Variants in ZMYND8 observed in about 807,000 individuals in gnomAD.
The protein encoded by ZMYND8 is MYND-type zinc finger-containing chromatin reader ZMYND8.
ZMYND8 carries 37 observed loss-of-function variants against 140.8 expected under a neutral mutation model. The observed-to-expected ratio is 0.26, with a 90% CI of 0.20 to 0.35. The LOEUF is 0.35. ZMYND8 is among the 10% of genes least tolerant of loss of function. ZMYND8 has a pLI of 1.00. For missense variants in ZMYND8, 1,068 were observed against 1,570.0 expected (o/e 0.68, Z 5.40); for synonymous variants, 592 against 597.1 (o/e 0.99, Z 0.12).
chr20:47,324,549 G>A (rs141866038), intron 2 of ZMYND8, among the ~76,000 whole-genome samples: 1 of 151,968 alleles, frequency 6.6e-6, no homozygotes. Context: ...ACCTCAATAA[G>A]ATAGTGCACT....
chr20:47,224,611 G>A, intron 18 of ZMYND8, 55 bp from the exon 19 acceptor site: 1 of 1,600,026 alleles, frequency 6.2e-7, no homozygotes, highest in Non-Finnish European at 8.5e-7. Flanking sequence ...CTGGGGTGTG[G>A]GGTTATTCCT....
chr20:47,250,739 C>T (rs57294390), intron 12 of ZMYND8, among the ~76,000 whole-genome samples: 36,187 of 152,196 alleles, frequency 0.24, 4,700 homozygotes, highest in Non-Finnish European at 0.3. Flanking sequence ...ACACTGCATA[C>T]CCAGAAATCA....
chr20:47,334,845 G>A (rs2081270083), intron 2 of ZMYND8, among the ~76,000 whole-genome samples: 1 of 151,780 alleles, frequency 6.6e-6, no homozygotes, highest in Admixed American at 6.6e-5. Flanking sequence ...CCTGACCTCA[G>A]GTGATCCACC....
At position 47,239,021 on chromosome 20, in the gene ZMYND8, G is replaced by A. The variant is rs913215860; in HGVS notation, c.2402C>T (p.Thr801Met). ...SAAGATATTS[T>M]SSTVTVTAPA... ...GGCCGTGACGGTGACCGTGGAGGAC[G>A]TGCTGGTGGTGGCTGTGGCGCCAGC... The change falls in exon 15 of 23, where the codon ACG (threonine) becomes ATG (methionine). Residue 801 changes from threonine (T) to methionine (M), a missense_variant. Coordinates refer to ENST00000471951, the MANE Select transcript of ZMYND8 (RefSeq NM_001281775.3). The A allele has an allele frequency of 5.6e-6, 9 of 1,597,368 alleles. No homozygotes were observed. Among genetic ancestry groups the A allele is most frequent in the African/African-American group, 2.7e-5 (2 of 74,560 alleles).
chr20:47,266,863 G>T (rs1402505325), intron 11 of ZMYND8, among the ~76,000 whole-genome samples: 1 of 152,070 alleles, frequency 6.6e-6, no homozygotes, highest in Admixed American at 6.6e-5. Context: ...TACATAAACA[G>T]ATCTACAATA....
chr20:47,250,274 C>T (rs184107779), intron 12 of ZMYND8, among the ~76,000 whole-genome samples: 2 of 152,242 alleles, frequency 1.3e-5, no homozygotes. Flanking sequence ...CCACCGACTC[C>T]AGTGCCCCCA....
chr20:47,224,800 C>T (rs945029634), intron 18 of ZMYND8, among the ~76,000 whole-genome samples: 2 of 152,174 alleles, frequency 1.3e-5, no homozygotes, highest in Non-Finnish European at 2.9e-5. Flanking sequence ...ATAACTGCAG[C>T]CCCAGAGGAT....
chr20:47,231,445 C>T (rs775743054), intron 16 of ZMYND8, among the ~76,000 whole-genome samples: 9 of 152,112 alleles, frequency 5.9e-5, no homozygotes, highest in East Asian at 1.9e-4. Flanking sequence ...AGGGTGTGCA[C>T]GAGGATTAAA....
In ZMYND8 at chr20:47,282,233, C is replaced by T; in HGVS notation, c.883-16G>A. On this transcript the variant is annotated splice_polypyrimidine_tract_variant and intron_variant, in intron 9 of 22. Coordinates refer to ENST00000471951, the MANE Select transcript of ZMYND8 (RefSeq NM_001281775.3). ...GTGGATTGCTCTAGGAAAAGAAAAA[C>T]AAGATCCAGAGTTTGTACATATTTG... The T allele has an allele frequency of 1.2e-6, 2 of 1,606,428 alleles. No individual in the cohort carries two copies.
chr20:47,334,396 C>A (rs1050402708), intron 2 of ZMYND8, among the ~76,000 whole-genome samples: 10 of 151,978 alleles, frequency 6.6e-5, no homozygotes, highest in African/African-American at 2.4e-4. Flanking sequence ...CGAACTCAGA[C>A]CAAAAGGTCA....
Position 47,277,285 on chromosome 20 carries a change from A to C in ZMYND8, c.999-490T>G, listed in dbSNP as rs548065738. On this transcript the variant is annotated intron_variant, in intron 10 of 22. Coordinates refer to ENST00000471951, the MANE Select transcript of ZMYND8 (RefSeq NM_001281775.3). ...AATTCACACAGAAAATCACTGAAAAAGGAGCCCATTCGCCTCCAGGCGTGC... is the reference window on the plus strand; with the variant it reads ...AATTCACACAGAAAATCACTGAAAACGGAGCCCATTCGCCTCCAGGCGTGC... Among the ~76,000 whole-genome samples the C allele has an allele frequency of 2.0e-5, 3 of 152,402 alleles. No individual in the cohort carries two copies. In the South Asian group the frequency reaches 6.2e-4, roughly 32 times the overall value.
rs2146707490 is a variant in ZMYND8 at position 47,209,267 on chromosome 20, G to A, written c.*1494C>T. The A allele has an allele frequency of 6.6e-6, 1 of 151,144 alleles. No individual in the cohort carries two copies. The highest frequency in any genetic ancestry group is 3.4e-3 in the Middle Eastern group (1 of 294). 9.4% of individuals were successfully genotyped at this position (151,144 alleles called of 1,614,324 possible). ...AAAGGTAAAGAAATCTGAAAAAACT[G>A]GGGGGGTGGGGGAAGGAACGGGCAA... On this transcript the variant is annotated 3_prime_UTR_variant, in exon 23 of 23. Transcript: ENST00000471951.
chr20:47,275,781 T>C (rs1026454361), intron 11 of ZMYND8, among the ~76,000 whole-genome samples: 4 of 152,034 alleles, frequency 2.6e-5, no homozygotes, highest in African/African-American at 9.7e-5. Context: ...CTAATTTTTG[T>C]ATTTTTGGTA....
chr20:47,268,291 T>A, intron 11 of ZMYND8, among the ~76,000 whole-genome samples: 1 of 15,530 alleles, frequency 6.4e-5, no homozygotes, highest in South Asian at 1.8e-3. Flanking sequence ...ACCCCGTCTC[T>A]TTTTTTTTTT....
chr20:47,298,378 A>T lies in ZMYND8; in HGVS notation c.453+351T>A. 1.0e-6 allele frequency: 1 copy of T among 985,444 alleles called. No individual in the cohort carries two copies. Among genetic ancestry groups the T allele is most frequent in the Non-Finnish European group, 1.2e-6 (1 of 829,940 alleles). 61.0% of individuals were successfully genotyped at this position (985,444 alleles called of 1,614,324 possible). The stretch of plus-strand genomic sequence containing the variant: ...CGGCAGGCAACAACATCCAAGACGG[A>T]GAAAACAGAATGAGATCTTTTCAAA... On this transcript the variant is annotated intron_variant, in intron 4 of 22. Transcript: ENST00000471951. The surrounding 1 kb of genome is among the most constrained non-coding windows in gnomAD (Gnocchi z 5.0).
In ZMYND8 at chr20:47,262,538, G is replaced by T. The variant is rs1453893062; in HGVS notation, c.1481-110C>A. Reference sequence around the variant, plus strand: ...GATTATGAAATTGTGTTTGATTTCAGCAAGGCCGCTACAGTATCACGAATG... The same window carrying T: ...GATTATGAAATTGTGTTTGATTTCATCAAGGCCGCTACAGTATCACGAATG... On this transcript the variant is annotated intron_variant, in intron 11 of 22. Coordinates refer to ENST00000471951, the MANE Select transcript of ZMYND8 (RefSeq NM_001281775.3). 2.8e-6 allele frequency: 4 copies of T among 1,432,552 alleles called. No individual in the cohort carries two copies. In the African/African-American group the frequency reaches 4.3e-5, roughly 15 times the overall value. The allele number at this position is 1,432,552 out of a possible 1,614,324, so 88.7% of individuals were successfully genotyped here. A position where few individuals can be genotyped will look rare whatever the true frequency, so the allele number is the denominator to read the frequency against.
intron 2 of ZMYND8, among the ~76,000 whole-genome samples, chr20:47,341,537 A>AG (rs1176786960): frequency 6.6e-6 from 1 of 151,388 alleles, no homozygotes; most frequent in East Asian, 1.9e-4. Context: ...AAAAAAAAAA[A>AG]AAAAAAAAGA....
chr20:47,270,856 T>TCAC (rs1317731018), intron 11 of ZMYND8, among the ~76,000 whole-genome samples: 3 of 151,638 alleles, frequency 2.0e-5, no homozygotes, highest in African/African-American at 7.3e-5. Context: ...GGCGGGCAGA[T>TCAC]CACGAGGTCA....
chr20:47,337,090 G>A lies in ZMYND8; in HGVS notation c.85+10766C>T, dbSNP rs1400557827. Among the ~76,000 whole-genome samples, 7 of 151,726 alleles carry A rather than the reference G, an allele frequency of 4.6e-5. No homozygotes were observed. In the South Asian group the frequency reaches 8.3e-4, roughly 18 times the overall value. ...GGGCCAGCCAGGCACGGTGGCTCACGCCTGTAATCCCAGCACTTTGGGAGG... is the reference window on the plus strand; with the variant it reads ...GGGCCAGCCAGGCACGGTGGCTCACACCTGTAATCCCAGCACTTTGGGAGG... On this transcript the variant is annotated intron_variant, in intron 2 of 22. Coordinates refer to ENST00000471951, the MANE Select transcript of ZMYND8 (RefSeq NM_001281775.3).
Sources: allele counts gnomAD v4.1 joint callset (sites outside exome capture counted in the v4.1 genomes callset), GRCh38; gene constraint gnomAD v4.1.1; non-coding constraint Gnocchi (gnomAD v3.1); transcripts MANE v1.5; gene names NCBI Gene and HGNC (gene_info 2026-07-23, HGNC 2026-07-21).